The following PSTPIP2 variants were observed in gnomAD, a reference collection of about 807,000 sequenced individuals.
PSTPIP2 encodes the protein proline-serine-threonine phosphatase interacting protein 2.
Under a neutral mutation model 63.3 loss-of-function variants are expected in PSTPIP2, and 33 were observed. The observed-to-expected ratio is 0.52, with a 90% CI of 0.40 to 0.70. The LOEUF is 0.70. PSTPIP2 is among the 30% of genes least tolerant of loss of function. PSTPIP2 has a pLI of 0.00. For synonymous variants in PSTPIP2, 125 were observed against 132.7 expected, an observed-to-expected ratio of 0.94 and a Z score of 0.40; for missense variants, 312 against 400.7, an observed-to-expected ratio of 0.78 and a Z score of 1.89.
At chr18:46,014,368 G>C (rs1363801161) in intron 4 of PSTPIP2, among the ~76,000 whole-genome samples, 1 of 151,236 alleles carries the variant, frequency 6.6e-6, no homozygotes, top group Non-Finnish European at 1.5e-5. Context: ...GGGAAGAAAA[G>C]AATAAATAAA....
chr18:46,013,585 T>C (rs1320625714), intron 4 of PSTPIP2, among the ~76,000 whole-genome samples: 1 of 151,898 alleles, frequency 6.6e-6, no homozygotes, highest in African/African-American at 2.4e-5. Flanking sequence ...TAATAGGAGC[T>C]AAATAAAAAT....
At chr18:46,046,386 CATG>C (rs1174529075) in intron 1 of PSTPIP2, among the ~76,000 whole-genome samples, 1 of 152,230 alleles carries the variant, frequency 6.6e-6, no homozygotes, top group Non-Finnish European at 1.5e-5. Context: ...CCGTTCCTCT[CATG>C]ATGTCTGCTA....
Position 46,072,146 on chromosome 18 carries a change from C to T in PSTPIP2, c.33+10G>A. 1 of 1,535,136 alleles carries T rather than the reference C, an allele frequency of 6.5e-7. No individual in the cohort carries two copies. Among genetic ancestry groups the T allele is most frequent in the Non-Finnish European group, 8.8e-7 (1 of 1,141,190 alleles). ...GAGCCCCGCGATCCGCTGTCGGCCCCACGACTTACCCAAAAGTTTCCCTTG... is the reference window on the plus strand; with the variant it reads ...GAGCCCCGCGATCCGCTGTCGGCCCTACGACTTACCCAAAAGTTTCCCTTG... On this transcript the variant is annotated intron_variant, in intron 1 of 14. Coordinates refer to ENST00000409746, the MANE Select transcript of PSTPIP2 (RefSeq NM_024430.4).
At chr18:45,998,755 CCAG>C in intron 8 of PSTPIP2, 36 bp downstream of exon 8, 1 of 1,604,998 alleles carries the variant, frequency 6.2e-7, no homozygotes, top group Non-Finnish European at 8.5e-7. Flanking sequence ...GTAAACCCCA[CCAG>C]CAACCCTCCC....
At chr18:46,008,747 T>C (rs905621659) in intron 5 of PSTPIP2, among the ~76,000 whole-genome samples, 4 of 152,070 alleles carry the variant, frequency 2.6e-5, no homozygotes, top group Non-Finnish European at 5.9e-5. Context: ...ACCATGTGGG[T>C]GCCAGAGTAC....
At chr18:46,015,083 G>A (rs2051839505) in intron 4 of PSTPIP2, among the ~76,000 whole-genome samples, 1 of 152,130 alleles carries the variant, frequency 6.6e-6, no homozygotes, top group South Asian at 2.1e-4. Context: ...GCACCACAGT[G>A]CTGAATGCTG....
chr18:46,036,868 G>A (rs905662779), intron 2 of PSTPIP2, among the ~76,000 whole-genome samples: 1 of 152,074 alleles, frequency 6.6e-6, no homozygotes, highest in African/African-American at 2.4e-5. Flanking sequence ...AATTCAAGAG[G>A]CCCATGGTAG....
At chr18:46,064,222 G>C (rs1348576409) in intron 1 of PSTPIP2, among the ~76,000 whole-genome samples, 1 of 150,528 alleles carries the variant, frequency 6.6e-6, no homozygotes, top group African/African-American at 2.4e-5. Context: ...AGGTAAGTGA[G>C]CTTTCACCAG....
intron 13 of PSTPIP2, among the ~76,000 whole-genome samples, chr18:45,990,193 A>C (rs1197346374): frequency 6.6e-6 from 1 of 152,116 alleles, no homozygotes; most frequent in Non-Finnish European, 1.5e-5. Context: ...GCTTGCAATA[A>C]GTTTCTTTTG....
At chr18:46,037,178 G>A (rs1443197068) in intron 2 of PSTPIP2, among the ~76,000 whole-genome samples, 1 of 152,090 alleles carries the variant, frequency 6.6e-6, no homozygotes, top group African/African-American at 2.4e-5. Flanking sequence ...TTGAGACGGA[G>A]TTTCACTCTT....
At chr18:46,016,290 T>A (rs968476787) in intron 3 of PSTPIP2, 3 of 216,902 alleles carry the variant, frequency 1.4e-5, no homozygotes, top group African/African-American at 6.8e-5. Flanking sequence ...CTTGAACTTG[T>A]GAGGTGGAGG....
intron 1 of PSTPIP2, among the ~76,000 whole-genome samples, chr18:46,050,320 A>G (rs1052885116): frequency 6.6e-6 from 1 of 152,218 alleles, no homozygotes; most frequent in African/African-American, 2.4e-5. Flanking sequence ...TCATAAACCC[A>G]ACACTATGGG....
chr18:45,998,878 T>C (rs73438238), intron 7 of PSTPIP2, 39 bp from the exon 8 acceptor site: 52,762 of 1,611,894 alleles, frequency 0.033, 1,534 homozygotes, highest in African/African-American at 0.16. Context: ...AGAGCAAGCA[T>C]TGGGAATGCT....
At chr18:46,067,626 C>G (rs73438292) in intron 1 of PSTPIP2, among the ~76,000 whole-genome samples, 6,398 of 152,180 alleles carry the variant, frequency 0.042, 438 homozygotes, top group African/African-American at 0.14. Context: ...GTAGCTGGGT[C>G]TCTGCCAATC....
chr18:45,997,981 A>G (rs111948248), intron 8 of PSTPIP2, among the ~76,000 whole-genome samples, 153 bp from the exon 9 acceptor site: 110 of 151,920 alleles, frequency 7.2e-4, no homozygotes, highest in African/African-American at 2.6e-3. Flanking sequence ...GAGTTATTGC[A>G]TCTCTCACCC....
rs73438226 is a variant in PSTPIP2, at chr18:45,985,051, C to T, written c.*408G>A. The T allele has an allele frequency of 3.1e-4, 66 of 215,626 alleles. No homozygotes were observed. Among genetic ancestry groups the T allele is most frequent in the African/African-American group, 1.5e-3 (64 of 43,244 alleles). 13.4% of individuals were successfully genotyped at this position (215,626 alleles called of 1,614,324 possible). A position where few individuals can be genotyped will look rare whatever the true frequency, so the allele number is the denominator to read the frequency against. On this transcript the variant is annotated 3_prime_UTR_variant, in exon 15 of 15. Coordinates refer to ENST00000409746, the MANE Select transcript of PSTPIP2 (RefSeq NM_024430.4). ...ATCTTGCACCACTGAGGCTGTGTGT[C>T]GCCGTGGAAACTCCACAGCCAGGCT... is the stretch of plus-strand genomic sequence containing the variant.
intron 2 of PSTPIP2, among the ~76,000 whole-genome samples, chr18:46,033,512 A>C (rs1907855351): frequency 6.6e-6 from 1 of 152,138 alleles, no homozygotes; most frequent in Admixed American, 6.5e-5. Flanking sequence ...AGCCTGGTCA[A>C]CATGGTGAAA....
intron 5 of PSTPIP2, among the ~76,000 whole-genome samples, chr18:46,007,185 C>G (rs1314233638): frequency 4.6e-5 from 7 of 152,184 alleles, no homozygotes; most frequent in Non-Finnish European, 1.0e-4. Context: ...TTGTCTGCTA[C>G]CATAACACAT....
At chr18:46,044,261 A>G (rs1363586355) in intron 1 of PSTPIP2, among the ~76,000 whole-genome samples, 2 of 152,222 alleles carry the variant, frequency 1.3e-5, no homozygotes, top group Non-Finnish European at 2.9e-5. Flanking sequence ...TTCAAACTAT[A>G]CTACAAGGCT....
Sources: allele counts gnomAD v4.1 joint callset (sites outside exome capture counted in the v4.1 genomes callset), GRCh38; gene constraint gnomAD v4.1.1; transcripts MANE v1.5; gene names NCBI Gene and HGNC (gene_info 2026-07-23, HGNC 2026-07-21).